UTY: variants seen among roughly 807,000 people sequenced by gnomAD.
UTY encodes histone demethylase UTY.
A neutral mutation model predicts 32.5 loss-of-function variants in UTY; 12 were observed. The observed-to-expected ratio is 0.37, with a 90% CI of 0.24 to 0.60. UTY has a LOEUF of 0.60. Among genes scored for constraint, UTY ranks in the 20% least tolerant of loss-of-function variants. UTY has a pLI of 0.69. For missense variants in UTY, 303 were observed against 299.2 expected (o/e 1.01, Z -0.09); for synonymous variants, 131 against 103.4 (o/e 1.27, Z -1.62).
intron 27 of UTY, among the ~76,000 whole-genome samples, chrY:13,293,602 C>T: frequency 3.0e-5 from 1 of 33,349 alleles, no homozygotes; most frequent in Non-Finnish European, 7.4e-5. Context: ...TAGGCGTGAG[C>T]CACCGCACCT....
intron 27 of UTY, among the ~76,000 whole-genome samples, chrY:13,288,220 C>T: frequency 3.5e-5 from 1 of 28,963 alleles, no homozygotes; most frequent in Admixed American, 3.3e-4. Flanking sequence ...TAGCTAAAAA[C>T]GAAAAGAATT....
At position 13,459,760 on chromosome Y, in the gene UTY, T is replaced by C. The variant is rs755465862; in HGVS notation, c.325+10361A>G. On this transcript the variant is annotated intron_variant, in intron 3 of 29. Transcript: ENST00000545955. ...TCACGCACTCTTTATTATGTGCTTC[T>C]TGGGTCCTCAGTGGCTGAAGTTGTC... is the stretch of plus-strand genomic sequence containing the variant. Among the ~76,000 whole-genome samples the C allele has an allele frequency of 1.2e-4, 4 of 33,694 alleles. No homozygotes were observed. The South Asian group carries it at 2.6e-3, about 22-fold the overall frequency. 90.4% of individuals were successfully genotyped at this position (33,694 alleles called of 37,273 possible). A position where few individuals can be genotyped will look rare whatever the true frequency, so the allele number is the denominator to read the frequency against.
intron 6 of UTY, among the ~76,000 whole-genome samples, chrY:13,399,113 G>A: frequency 3.0e-5 from 1 of 33,237 alleles, no homozygotes; most frequent in South Asian, 6.8e-4. Flanking sequence ...CCAAAGGAAT[G>A]GGAAGCTTCT....
chrY:13,309,132 C>T, intron 21 of UTY, among the ~76,000 whole-genome samples: 6 of 33,190 alleles, frequency 1.8e-4, no homozygotes, highest in African/African-American at 5.9e-4. Context: ...ATGAGGTACG[C>T]TAAAAACCAC....
rs1603441053 is a variant in UTY, at chrY:13,365,368, T to C, written c.866+899A>G. On this transcript the variant is annotated intron_variant, in intron 10 of 29. Coordinates refer to ENST00000545955, the MANE Select transcript of UTY (RefSeq NM_001258249.2). ...CAGAAGTTGCAGTGAGCCGAGATCATGCCACTGCATTCCAGCCTGGGCAAC... is the reference window on the plus strand; with the variant it reads ...CAGAAGTTGCAGTGAGCCGAGATCACGCCACTGCATTCCAGCCTGGGCAAC... 1.8e-3 allele frequency among the ~76,000 whole-genome samples: 43 copies of C among 23,634 alleles called. No individual in the cohort carries two copies. The East Asian group carries it at 0.043, about 24-fold the overall frequency. The allele number at this position is 23,634 out of a possible 37,273, so 63.4% of individuals were successfully genotyped here.
At chrY:13,375,501 C>T in intron 8 of UTY, among the ~76,000 whole-genome samples, 1 of 33,596 alleles carries the variant, frequency 3.0e-5, no homozygotes, top group Non-Finnish European at 7.4e-5. Flanking sequence ...ATTATCACTC[C>T]TCTCTAAACT....
chrY:13,340,104 G>C (rs937390384), intron 17 of UTY, among the ~76,000 whole-genome samples: 19 of 33,128 alleles, frequency 5.7e-4, no homozygotes, highest in African/African-American at 2.3e-3. Flanking sequence ...GAAATAATTG[G>C]CTGAGTGTTC....
At chrY:13,384,349 G>A in intron 8 of UTY, among the ~76,000 whole-genome samples, 2 of 33,740 alleles carry the variant, frequency 5.9e-5, no homozygotes, top group Non-Finnish European at 1.5e-4. Context: ...AATGTAATCC[G>A]TTAAATCAAA....
chrY:13,443,744 A>C, intron 4 of UTY, among the ~76,000 whole-genome samples: 1 of 33,845 alleles, frequency 3.0e-5, no homozygotes, highest in African/African-American at 1.2e-4. Flanking sequence ...TAACAGGAAA[A>C]TTTACAGCAC....
chrY:13,339,442 C>A (rs762276766), intron 17 of UTY, among the ~76,000 whole-genome samples: 1 of 33,297 alleles, frequency 3.0e-5, no homozygotes, highest in Admixed American at 2.7e-4. Context: ...AAGGATTGGG[C>A]CATAAGGCAA....
intron 25 of UTY, among the ~76,000 whole-genome samples, chrY:13,300,891 CT>C (rs1486588451): frequency 5.2e-4 from 14 of 26,834 alleles, no homozygotes; most frequent in South Asian, 1.7e-3. Flanking sequence ...TTTTCCATAA[CT>C]TTTTTTTTTT....
intron 8 of UTY, among the ~76,000 whole-genome samples, chrY:13,388,367 T>A: frequency 5.9e-5 from 2 of 33,944 alleles, no homozygotes; most frequent in Non-Finnish European, 1.5e-4. Context: ...TAACATTCCA[T>A]TGTGTATATA....
intron 21 of UTY, among the ~76,000 whole-genome samples, chrY:13,310,508 T>G: frequency 3.0e-5 from 1 of 33,157 alleles, no homozygotes; most frequent in Admixed American, 2.8e-4. Flanking sequence ...TCATCTCAAC[T>G]GATAAGAAAT....
chrY:13,235,222 C>G, intron 28 of UTY, among the ~76,000 whole-genome samples: 2 of 33,661 alleles, frequency 5.9e-5, no homozygotes, highest in Non-Finnish European at 1.5e-4. Flanking sequence ...AGAGGCCAGG[C>G]AGCAGGAGCA....
At chrY:13,378,017 G>GA (rs2065578919) in intron 8 of UTY, among the ~76,000 whole-genome samples, 44 of 30,421 alleles carry the variant, frequency 1.4e-3, no homozygotes, top group Non-Finnish European at 6.4e-4. Context: ...GAATCTGAAA[G>GA]AAAAAAAAAG....
intron 29 of UTY, 105 bp downstream of exon 29, chrY:13,250,912 T>C: frequency 4.1e-6 from 1 of 243,955 alleles, no homozygotes; most frequent in Non-Finnish European, 6.3e-6. Context: ...ACTGCACCAA[T>C]GGAAAATTTA....
intron 18 of UTY, among the ~76,000 whole-genome samples, chrY:13,326,963 C>G (rs2060299831): frequency 5.9e-5 from 2 of 33,631 alleles, no homozygotes; most frequent in Non-Finnish European, 1.5e-4. Context: ...TGTTCATAAT[C>G]ATTACTTAAC....
At chrY:13,299,793 AC>A (rs2058282638) in intron 25 of UTY, among the ~76,000 whole-genome samples, 1 of 33,536 alleles carries the variant, frequency 3.0e-5, no homozygotes, top group Non-Finnish European at 7.4e-5. Context: ...TCAAAAGTCT[AC>A]AAATTAATAT....
chrY:13,296,305 C>G, intron 27 of UTY, among the ~76,000 whole-genome samples: 1 of 33,659 alleles, frequency 3.0e-5, no homozygotes, highest in Admixed American at 2.7e-4. Context: ...CTTTCCACGC[C>G]TTTCTGTTCT....
Sources: gnomAD v4.1 joint callset for allele counts (sites outside exome capture counted in the v4.1 genomes callset) on GRCh38, gnomAD v4.1.1 for gene constraint, MANE v1.5 for transcripts, NCBI Gene and HGNC (gene_info 2026-07-23, HGNC 2026-07-21) for gene names.